Variants in ASB2 observed in about 807,000 individuals in gnomAD.
The protein encoded by ASB2 is ankyrin repeat and SOCS box containing 2.
In ASB2, 58 loss-of-function variants were observed where a neutral mutation model predicts 62.4. That is an observed-to-expected ratio of 0.93 (90% CI 0.75 to 1.16). The LOEUF (loss-of-function observed/expected upper bound fraction) is 1.16. Among genes scored for constraint, ASB2 ranks in the 50% most tolerant of loss-of-function variants. The pLI, the probability that ASB2 is intolerant of heterozygous loss-of-function variation, is 0.00. For missense variants in ASB2, 928 were observed against 887.9 expected, an observed-to-expected ratio of 1.05 and a Z score of -0.57; for synonymous variants, 386 against 385.3, an observed-to-expected ratio of 1.00 and a Z score of -0.02.
At chr14:93,936,535 T>C (rs114540771) in intron 9 of ASB2, among the ~76,000 whole-genome samples, 2,317 of 152,338 alleles carry the variant, frequency 0.015, 48 homozygotes, top group African/African-American at 0.049. Context: ...AGTTAAGCCC[T>C]GAGTGAATGG....
chr14:93,973,133 G>T (rs1166469327), intron 1 of ASB2, among the ~76,000 whole-genome samples: 1 of 152,152 alleles, frequency 6.6e-6, no homozygotes, highest in Non-Finnish European at 1.5e-5. Context: ...TATGGAGTAG[G>T]GGTGTGACTG....
At position 93,956,523 on chromosome 14, in the gene ASB2, G is replaced by C. The variant is rs542279733; in HGVS notation, c.311+243C>G. Among the ~76,000 whole-genome samples the C allele has an allele frequency of 2.3e-4, 20 of 86,760 alleles. 1 individual carries two copies. In the South Asian group the frequency reaches 7.0e-3, roughly 30 times the overall value. 56.9% of individuals were successfully genotyped at this position (86,760 alleles called of 152,430 possible). Reference sequence around the variant, plus strand: ...CAGGTCCCATGCTGGGGGCATCTGAGGGGGGGATCACCAGCATGCCTGGCT... The same window carrying C: ...CAGGTCCCATGCTGGGGGCATCTGACGGGGGGATCACCAGCATGCCTGGCT... On this transcript the variant is annotated intron_variant, in intron 3 of 9. Coordinates refer to ENST00000555019, the MANE Select transcript of ASB2 (RefSeq NM_001202429.2).
intron 9 of ASB2, among the ~76,000 whole-genome samples, chr14:93,936,294 T>G (rs568728500): frequency 6.6e-6 from 1 of 152,212 alleles, no homozygotes; most frequent in Non-Finnish European, 1.5e-5. Context: ...TTAAGAACGA[T>G]TGGTTTTACT....
intron 7 of ASB2, among the ~76,000 whole-genome samples, chr14:93,941,886 C>G (rs564760622): frequency 5.3e-5 from 8 of 152,256 alleles, no homozygotes; most frequent in African/African-American, 1.9e-4. Context: ...TGTGTAACGC[C>G]GGACAGGCTC....
chr14:93,973,017 G>C (rs774256577), intron 1 of ASB2, among the ~76,000 whole-genome samples: 1 of 152,230 alleles, frequency 6.6e-6, no homozygotes, highest in Non-Finnish European at 1.5e-5. Context: ...GGGTGCCAGG[G>C]CCTTGGGGCT....
At chr14:93,975,820 A>T (rs1267999885) in intron 1 of ASB2, among the ~76,000 whole-genome samples, 2 of 152,200 alleles carry the variant, frequency 1.3e-5, no homozygotes, top group African/African-American at 4.8e-5. Context: ...TGGCCTCCTT[A>T]AATGTGTCAT....
chr14:93,971,862 T>C (rs1254642402), intron 1 of ASB2, among the ~76,000 whole-genome samples: 3 of 152,030 alleles, frequency 2.0e-5, no homozygotes, highest in Admixed American at 6.6e-5. Flanking sequence ...CGGATGTTTT[T>C]CAAGATTTGA....
intron 2 of ASB2, chr14:93,957,349 T>C: frequency 1.9e-6 from 2 of 1,029,970 alleles, no homozygotes. Flanking sequence ...GCTGTACCTG[T>C]GCCCCCCACG....
chr14:93,934,181 T>G lies in ASB2; in HGVS notation c.*475A>C, dbSNP rs542180188. ...TGGGCAGGTGTCACATGTGTAACAT[T>G]TATTATATTAATACTTAACAAAGCC... On this transcript the variant is annotated 3_prime_UTR_variant, in exon 10 of 10. Transcript: ENST00000555019. 3.0e-4 allele frequency: 136 copies of G among 454,682 alleles called. 2 individuals carry two copies. Among genetic ancestry groups the G allele is most frequent in the South Asian group, 2.0e-3 (131 of 64,306 alleles). The allele number at this position is 454,682 out of a possible 1,614,324, so 28.2% of individuals were successfully genotyped here.
At chr14:93,946,843 A>G (rs1379778073) in intron 7 of ASB2, among the ~76,000 whole-genome samples, 4 of 152,134 alleles carry the variant, frequency 2.6e-5, no homozygotes, top group Non-Finnish European at 4.4e-5. Context: ...CATGCTTGCT[A>G]ATTGCCTGGG....
intron 1 of ASB2, among the ~76,000 whole-genome samples, chr14:93,967,809 G>C (rs1386879572): frequency 6.6e-6 from 1 of 152,164 alleles, no homozygotes; most frequent in Non-Finnish European, 1.5e-5. Flanking sequence ...AACCCGGGGG[G>C]AGTGGAGGGA....
chr14:93,958,476 A>G (rs1202254250), intron 2 of ASB2, among the ~76,000 whole-genome samples: 1 of 152,090 alleles, frequency 6.6e-6, no homozygotes, highest in Admixed American at 6.5e-5. Context: ...TCCGACCTCC[A>G]CACTGACTGT....
intron 2 of ASB2, among the ~76,000 whole-genome samples, chr14:93,961,802 CCTGGGCCT>C: frequency 6.6e-6 from 1 of 152,154 alleles, no homozygotes; most frequent in East Asian, 1.9e-4. Context: ...ATTTGGGGAC[CCTGGGCCT>C]CTGTGAGTGG....
At chr14:93,953,999 A>G (rs1889076155) in intron 4 of ASB2, among the ~76,000 whole-genome samples, 1 of 152,190 alleles carries the variant, frequency 6.6e-6, no homozygotes, top group Non-Finnish European at 1.5e-5. Flanking sequence ...GCACAGCTGC[A>G]GTATTTTTCA....
At chr14:93,975,221 G>T (rs1258866075) in intron 1 of ASB2, among the ~76,000 whole-genome samples, 1 of 152,238 alleles carries the variant, frequency 6.6e-6, no homozygotes, top group Non-Finnish European at 1.5e-5. Flanking sequence ...CTTATCTTCA[G>T]AAGAGCATTC....
intron 2 of ASB2, among the ~76,000 whole-genome samples, chr14:93,957,917 G>C (rs915011579): frequency 2.0e-5 from 3 of 152,130 alleles, no homozygotes; most frequent in Non-Finnish European, 4.4e-5. Flanking sequence ...TTCTGGGGGG[G>C]ATTGGGGAGG....
intron 7 of ASB2, 56 bp downstream of exon 7, chr14:93,947,293 A>G (rs1209611956): frequency 1.9e-6 from 3 of 1,589,554 alleles, no homozygotes; most frequent in Non-Finnish European, 1.7e-6. Context: ...CCAATCCCCT[A>G]CTCCCAGTGT....
intron 1 of ASB2, among the ~76,000 whole-genome samples, chr14:93,967,979 T>C (rs1437739329): frequency 6.6e-6 from 1 of 152,188 alleles, no homozygotes; most frequent in Admixed American, 6.5e-5. Context: ...TAGAAGCATA[T>C]GTGAGCTAAG....
At chr14:93,962,107 C>CTTTTTTTTTTTTTTTTTT in intron 2 of ASB2, among the ~76,000 whole-genome samples, 1 of 72,996 alleles carries the variant, frequency 1.4e-5, no homozygotes, top group Non-Finnish European at 2.4e-5. Flanking sequence ...ATTAAACATT[C>CTTTTTTTTTTTTTTTTTT]TTTTTTTTTT....
Sources: gnomAD v4.1 joint callset for allele counts (sites outside exome capture counted in the v4.1 genomes callset) on GRCh38, gnomAD v4.1.1 for gene constraint, MANE v1.5 for transcripts, NCBI Gene and HGNC (gene_info 2026-07-23, HGNC 2026-07-21) for gene names.